The following HEBP2 variants were observed in gnomAD, a reference collection of about 807,000 sequenced individuals.
HEBP2 encodes heme-binding protein 2.
A neutral mutation model predicts 23.1 loss-of-function variants in HEBP2; 27 were observed. The ratio of observed to expected loss-of-function variants is 1.17; its 90% CI spans 0.86 to 1.61. The LOEUF (loss-of-function observed/expected upper bound fraction) is 1.61. Ranked by LOEUF, HEBP2 falls within the 40% of genes most tolerant of loss-of-function variation. HEBP2 has a pLI of 0.00. For missense variants in HEBP2, 245 were observed against 253.8 expected (o/e 0.97, Z 0.24); for synonymous variants, 99 against 95.1 (o/e 1.04, Z -0.24).
rs940635401 is a variant in HEBP2 at position 138,414,186 on chromosome 6, G to A, written c.*1108G>A. 6 of 152,444 alleles carry A rather than the reference G, an allele frequency of 3.9e-5. No individual in the cohort carries two copies. Among genetic ancestry groups the A allele is most frequent in the African/African-American group, 1.2e-4 (5 of 41,574 alleles). The allele number at this position is 152,444 out of a possible 1,614,324, so 9.4% of individuals were successfully genotyped here. A position where few individuals can be genotyped will look rare whatever the true frequency, so the allele number is the denominator to read the frequency against. On this transcript the variant is annotated 3_prime_UTR_variant, in exon 4 of 4. Coordinates refer to ENST00000607197, the MANE Select transcript of HEBP2 (RefSeq NM_014320.3). Reference sequence around the variant, plus strand: ...TGACAGTGTTAAAGGGAGAGGCCACGTTCAGTACCCAGAACAAAAAGCTGC... The same window carrying A: ...TGACAGTGTTAAAGGGAGAGGCCACATTCAGTACCCAGAACAAAAAGCTGC...
Position 138,405,203 on chromosome 6 carries a change from A to T in HEBP2, c.161A>T (p.Glu54Val). ...GCCAAGTGGGTCAGCACGTCCGTGGAGTCTATGGACTGGGATTCAGCCATC... is the reference window on the plus strand; with the variant it reads ...GCCAAGTGGGTCAGCACGTCCGTGGTGTCTATGGACTGGGATTCAGCCATC... ...GPAKWVSTSVESMDWDSAIQT... is the reference protein window; with the variant it reads ...GPAKWVSTSVVSMDWDSAIQT... The change falls in exon 2 of 4, where the codon GAG becomes GTG. Residue 54 changes from glutamate (E) to valine (V), a missense_variant. Coordinates refer to ENST00000607197, the MANE Select transcript of HEBP2 (RefSeq NM_014320.3). The T allele has an allele frequency of 6.2e-7, 1 of 1,614,184 alleles. No homozygotes were observed. The highest frequency in any genetic ancestry group is 8.5e-7 in the Non-Finnish European group (1 of 1,180,008).
Position 138,421,851 on chromosome 6 carries a change from C to G in HEBP2, c.*8773C>G, listed in dbSNP as rs1032383427. 1.3e-5 allele frequency: 2 copies of G among 152,158 alleles called. No homozygotes were observed. Among genetic ancestry groups the G allele is most frequent in the African/African-American group, 4.8e-5 (2 of 41,424 alleles). The allele number at this position is 152,158 out of a possible 1,614,324, so 9.4% of individuals were successfully genotyped here. On this transcript the variant is annotated 3_prime_UTR_variant, in exon 4 of 4. Coordinates refer to ENST00000607197, the MANE Select transcript of HEBP2 (RefSeq NM_014320.3). ...GATGTGGACTTGTTTTTCCACGTGC[C>G]CTTGTAGATGGTGCCATCCAGTGTC...
At position 138,408,986 on chromosome 6, in the gene HEBP2, G is replaced by A. The variant is rs146275231; in HGVS notation, c.419+2835G>A. Among the ~76,000 whole-genome samples the A allele has an allele frequency of 3.6e-3, 548 of 151,734 alleles. 3 individuals are homozygous for A. Among genetic ancestry groups the A allele is most frequent in the African/African-American group, 0.012 (492 of 41,402 alleles). ...CCACATCTCTGATCTTATAGTGCCT[G>A]TCTCAGTTGAGGGCCTCATCAGCCA... On this transcript the variant is annotated intron_variant, in intron 3 of 3. Transcript: ENST00000607197.
intron 1 of HEBP2, 108 bp from the exon 2 acceptor site, chr6:138,405,037 C>G: frequency 2.4e-6 from 3 of 1,258,662 alleles, no homozygotes; most frequent in Non-Finnish European, 3.3e-6. Flanking sequence ...GGTGCAGCCC[C>G]TAGACAGGAC....
rs1774777195 is a variant in HEBP2, at chr6:138,413,000, C to T, written c.540C>T (p.Asn180=). ...AGGTTTACTACACTGCAGGCTACAA[C>T]AGTCCTGTCAAATTGCTTAATAGAA... is the stretch of plus-strand genomic sequence containing the variant. The part of the protein sequence containing the change: ...DEKVYYTAGY[N]SPVKLLNRNN... Residue 180 remains asparagine (N), a synonymous_variant, in exon 4 of 4, where the codon AAC becomes AAT. Coordinates refer to ENST00000607197, the MANE Select transcript of HEBP2 (RefSeq NM_014320.3). 1 of 1,613,894 alleles carries T rather than the reference C, an allele frequency of 6.2e-7. No individual in the cohort carries two copies. The highest frequency in any genetic ancestry group is 1.3e-5 in the African/African-American group (1 of 74,934).
chr6:138,419,913 G>A lies in HEBP2; in HGVS notation c.*6835G>A, dbSNP rs2128183564. On this transcript the variant is annotated 3_prime_UTR_variant, in exon 4 of 4. Transcript: ENST00000607197. ...TTGAACTACAGTCTGCTGCTACTAT[G>A]TGGGCACTTTGGACTCTGTGTTCAG... 6.6e-6 allele frequency: 1 copy of A among 152,362 alleles called. No individual in the cohort carries two copies. The highest frequency in any genetic ancestry group is 1.5e-5 in the Non-Finnish European group (1 of 68,054). 9.4% of individuals were successfully genotyped at this position (152,362 alleles called of 1,614,324 possible). A position where few individuals can be genotyped will look rare whatever the true frequency, so the allele number is the denominator to read the frequency against.
At position 138,417,688 on chromosome 6, in the gene HEBP2, G is replaced by C. The variant is rs866717151; in HGVS notation, c.*4610G>C. 6.6e-6 allele frequency: 1 copy of C among 152,558 alleles called. No individual in the cohort carries two copies. The highest frequency in any genetic ancestry group is 2.4e-5 in the African/African-American group (1 of 41,450). The allele number at this position is 152,558 out of a possible 1,614,324, so 9.5% of individuals were successfully genotyped here. ...AGGCCAAGGTGAGTAAGTGAGAGGAGAGGAGGCAGCAGCACACAGACAGAG... is the reference window on the plus strand; with the variant it reads ...AGGCCAAGGTGAGTAAGTGAGAGGACAGGAGGCAGCAGCACACAGACAGAG... On this transcript the variant is annotated 3_prime_UTR_variant, in exon 4 of 4. Transcript: ENST00000607197.
chr6:138,408,164 C>T (rs1439715768), intron 3 of HEBP2, among the ~76,000 whole-genome samples: 1 of 152,090 alleles, frequency 6.6e-6, no homozygotes, highest in African/African-American at 2.4e-5. Context: ...CTTGGCCTTA[C>T]CCTTGTTCTC....
chr6:138,405,324 C>G, intron 2 of HEBP2, 44 bp downstream of exon 2: 1 of 1,606,336 alleles, frequency 6.2e-7, no homozygotes, highest in Non-Finnish European at 8.5e-7. Context: ...GTGAAAGAGT[C>G]CCCGGGCTTA....
At chr6:138,411,945 A>AAAAC (rs747325933) in intron 3 of HEBP2, 1 of 365,056 alleles carries the variant, frequency 2.7e-6, no homozygotes, top group African/African-American at 2.2e-5. Flanking sequence ...CTGTCTCAAA[A>AAAAC]AAACAAACAA....
rs886740628 is a variant in HEBP2, at chr6:138,418,004, C to T, written c.*4926C>T. 2 of 152,132 alleles carry T rather than the reference C, an allele frequency of 1.3e-5. No homozygotes were observed. Among genetic ancestry groups the T allele is most frequent in the Admixed American group, 6.5e-5 (1 of 15,270 alleles). 9.4% of individuals were successfully genotyped at this position (152,132 alleles called of 1,614,324 possible). ...CCCCTAACAAAGCTTAAAGACAAGCCTTGGAAGGATCAAACTAATTTCAAG... is the reference window on the plus strand; with the variant it reads ...CCCCTAACAAAGCTTAAAGACAAGCTTTGGAAGGATCAAACTAATTTCAAG... On this transcript the variant is annotated 3_prime_UTR_variant, in exon 4 of 4. Coordinates refer to ENST00000607197, the MANE Select transcript of HEBP2 (RefSeq NM_014320.3).
In HEBP2 at chr6:138,417,779, C is replaced by G. The variant is rs1376376324; in HGVS notation, c.*4701C>G. 3.9e-5 allele frequency: 6 copies of G among 152,176 alleles called. No homozygotes were observed. Among genetic ancestry groups the G allele is most frequent in the Admixed American group, 6.5e-5 (1 of 15,280 alleles). The allele number at this position is 152,176 out of a possible 1,614,324, so 9.4% of individuals were successfully genotyped here. ...TGAGTGAAGGTGTTAGAAGAAACTA[C>G]TTAAGCCAAGAAATGAGTAACTGGA... On this transcript the variant is annotated 3_prime_UTR_variant, in exon 4 of 4. Transcript: ENST00000607197.
At chr6:138,405,086 T>C (rs1774618030) in intron 1 of HEBP2, 59 bp from the exon 2 acceptor site, 10 of 1,572,658 alleles carry the variant, frequency 6.4e-6, no homozygotes, top group Non-Finnish European at 8.7e-6. Flanking sequence ...CCGGTATTTT[T>C]GCATCTCACT....
chr6:138,421,350 G>A lies in HEBP2; in HGVS notation c.*8272G>A, dbSNP rs917788768. ...GGGAGAAAGACGGAGACACAGAAACGTCTCCTTTTCACTGTGATTCTCCTA... is the reference window on the plus strand; with the variant it reads ...GGGAGAAAGACGGAGACACAGAAACATCTCCTTTTCACTGTGATTCTCCTA... On this transcript the variant is annotated 3_prime_UTR_variant, in exon 4 of 4. Transcript: ENST00000607197. 3.3e-5 allele frequency: 5 copies of A among 152,190 alleles called. No homozygotes were observed. The highest frequency in any genetic ancestry group is 1.9e-4 in the East Asian group (1 of 5,186). 9.4% of individuals were successfully genotyped at this position (152,190 alleles called of 1,614,324 possible).
At chr6:138,412,753 C>T (rs543567581) in intron 3 of HEBP2, 127 bp from the exon 4 acceptor site, 8 of 780,706 alleles carry the variant, frequency 1.0e-5, no homozygotes, top group Admixed American at 4.9e-5. Flanking sequence ...CTCGCCTGGC[C>T]GAGAGGGAGT....
rs1171816826 is a variant in HEBP2, at chr6:138,406,020, T to C, written c.288T>C (p.Gly96=). Residue 96 remains glycine (G), a synonymous_variant, in exon 3 of 4, where the codon GGT becomes GGC. Transcript: ENST00000607197. ...CAGTGACAAGCTACGTGGAGCCTGG[T>C]TCAGGTCCTTTTAGTGAGTCTACCA... ...TAPVTSYVEP[G]SGPFSESTIT... The C allele has an allele frequency of 2.5e-6, 4 of 1,614,034 alleles. No homozygotes were observed. Among genetic ancestry groups the C allele is most frequent in the Non-Finnish European group, 3.4e-6 (4 of 1,180,024 alleles).
chr6:138,408,400 T>C (rs1272785510), intron 3 of HEBP2, among the ~76,000 whole-genome samples: 1 of 152,246 alleles, frequency 6.6e-6, no homozygotes, highest in East Asian at 1.9e-4. Flanking sequence ...CACATTACAC[T>C]GGGACACAAA....
chr6:138,407,023 T>G (rs1260104155), intron 3 of HEBP2, among the ~76,000 whole-genome samples: 3 of 152,148 alleles, frequency 2.0e-5, no homozygotes, highest in Non-Finnish European at 4.4e-5. Flanking sequence ...TGAGACCCTG[T>G]CTCAACAAAA....
intron 3 of HEBP2, among the ~76,000 whole-genome samples, chr6:138,409,519 T>C (rs1038762938): frequency 6.6e-6 from 1 of 152,232 alleles, no homozygotes; most frequent in African/African-American, 2.4e-5. Context: ...GGCACAAGCC[T>C]GACATTCCCA....
Sources: allele counts gnomAD v4.1 joint callset (sites outside exome capture counted in the v4.1 genomes callset), GRCh38; gene constraint gnomAD v4.1.1; transcripts MANE v1.5; gene names NCBI Gene and HGNC (gene_info 2026-07-23, HGNC 2026-07-21).